The following ROBO2 variants were observed in gnomAD, a reference collection of about 807,000 sequenced individuals.
ROBO2 encodes the protein roundabout guidance receptor 2.
In ROBO2, 53 loss-of-function variants were observed where a neutral mutation model predicts 160.8. The observed-to-expected ratio is 0.33, with a 90% confidence interval of 0.26 to 0.41. ROBO2 has a LOEUF of 0.41. Among genes scored for constraint, ROBO2 ranks in the 10% least tolerant of loss-of-function variants. The pLI is 1.00. For missense variants in ROBO2, 1,577 were observed against 1,722.4 expected (o/e 0.92, Z 1.49); for synonymous variants, 664 against 611.7 (o/e 1.09, Z -1.26).
intron 2 of ROBO2, among the ~76,000 whole-genome samples, chr3:77,016,021 G>A (rs533045561): frequency 6.6e-6 from 1 of 151,710 alleles, no homozygotes; most frequent in South Asian, 2.1e-4. Context: ...CTGTCGCCCA[G>A]GCTGGAGTGC....
At chr3:76,880,842 G>A (rs1185987364) in intron 2 of ROBO2, among the ~76,000 whole-genome samples, 2 of 152,174 alleles carry the variant, frequency 1.3e-5, no homozygotes, top group East Asian at 1.9e-4. Flanking sequence ...ATTCTTAGAA[G>A]TTTGGACTTT....
chr3:77,615,357 G>C (rs996405988), intron 21 of ROBO2, among the ~76,000 whole-genome samples: 1 of 152,038 alleles, frequency 6.6e-6, no homozygotes, highest in African/African-American at 2.4e-5. Context: ...TCATCACCTA[G>C]AGTCCATAGT....
chr3:76,953,896 G>A (rs530215825), intron 2 of ROBO2, among the ~76,000 whole-genome samples: 1 of 152,284 alleles, frequency 6.6e-6, no homozygotes, highest in East Asian at 1.9e-4. Context: ...GGCATCCTCT[G>A]TTCCACCAGA....
chr3:77,101,430 A>T (rs59153694), intron 2 of ROBO2, among the ~76,000 whole-genome samples: 1 of 152,056 alleles, frequency 6.6e-6, no homozygotes, highest in South Asian at 2.1e-4. Context: ...TGTTTGACAT[A>T]CCAATGAAAT....
chr3:76,418,200 T>TA (rs2075832178), intron 2 of ROBO2, among the ~76,000 whole-genome samples: 2 of 151,232 alleles, frequency 1.3e-5, no homozygotes, highest in Admixed American at 1.3e-4. Flanking sequence ...ATATACCAAA[T>TA]AAGGTCACTA....
chr3:77,254,150 GT>G (rs2090677165), intron 2 of ROBO2, among the ~76,000 whole-genome samples: 1 of 152,148 alleles, frequency 6.6e-6, no homozygotes, highest in Non-Finnish European at 1.5e-5. Context: ...TGCACCTGTG[GT>G]CTTAGCTACT....
chr3:77,329,827 G>C (rs1403488394), intron 2 of ROBO2, among the ~76,000 whole-genome samples: 1 of 152,070 alleles, frequency 6.6e-6, no homozygotes, highest in African/African-American at 2.4e-5. Flanking sequence ...TGTTATGTGA[G>C]GGCGGCACAA....
chr3:77,461,581 A>G (rs1305182377), intron 2 of ROBO2, among the ~76,000 whole-genome samples: 1 of 152,040 alleles, frequency 6.6e-6, no homozygotes, highest in Non-Finnish European at 1.5e-5. Context: ...TATTCAATCC[A>G]TATGAAATAT....
chr3:76,945,230 A>G (rs901823894), intron 2 of ROBO2, among the ~76,000 whole-genome samples: 1 of 152,186 alleles, frequency 6.6e-6, no homozygotes, highest in Admixed American at 6.5e-5. Context: ...CTAGGTCCTA[A>G]GAAATCAGAA....
intron 2 of ROBO2, among the ~76,000 whole-genome samples, chr3:76,044,807 G>A (rs1463490575): frequency 1.3e-5 from 2 of 152,040 alleles, no homozygotes; most frequent in African/African-American, 2.4e-5. Flanking sequence ...AGAGGGACTT[G>A]CGTTAGGTAA....
chr3:77,388,109 C>A (rs1268298659), intron 2 of ROBO2, among the ~76,000 whole-genome samples: 1 of 151,438 alleles, frequency 6.6e-6, no homozygotes, highest in Non-Finnish European at 1.5e-5. Flanking sequence ...TATCTATAAG[C>A]AATCCAAACT....
intron 2 of ROBO2, among the ~76,000 whole-genome samples, chr3:75,957,602 G>A (rs1275761753): frequency 2.0e-5 from 3 of 150,528 alleles, no homozygotes; most frequent in African/African-American, 7.3e-5. Context: ...TGCTTAAAAA[G>A]TCATCTGACT....
At chr3:76,573,033 T>G (rs1355379453) in intron 2 of ROBO2, among the ~76,000 whole-genome samples, 1 of 152,106 alleles carries the variant, frequency 6.6e-6, no homozygotes, top group Non-Finnish European at 1.5e-5. Flanking sequence ...AAAATGTTGG[T>G]TTTTGTTGGG....
At chr3:75,912,867 T>G (rs1946658880) in intron 1 of ROBO2, among the ~76,000 whole-genome samples, 1 of 152,214 alleles carries the variant, frequency 6.6e-6, no homozygotes, top group Non-Finnish European at 1.5e-5. Context: ...CTGGAATCCC[T>G]TAAGTTTGTC....
At chr3:76,723,051 T>G (rs933790959) in intron 2 of ROBO2, among the ~76,000 whole-genome samples, 2 of 152,174 alleles carry the variant, frequency 1.3e-5, no homozygotes, top group African/African-American at 4.8e-5. Context: ...CATACTAAAA[T>G]TAGAATATGA....
chr3:77,410,743 T>TCCTCCTC (rs2076724877), intron 2 of ROBO2, among the ~76,000 whole-genome samples: 1 of 29,590 alleles, frequency 3.4e-5, no homozygotes. Context: ...TCCTCCTCCT[T>TCCTCCTC]TTCCTCCTCC....
chr3:75,982,057 C>T (rs1274234740), intron 2 of ROBO2, among the ~76,000 whole-genome samples: 1 of 151,522 alleles, frequency 6.6e-6, no homozygotes, highest in East Asian at 1.9e-4. Flanking sequence ...TTTCAAGTAA[C>T]TTAATGATCT....
At chr3:76,199,941 T>C (rs35674197) in intron 2 of ROBO2, among the ~76,000 whole-genome samples, 16,697 of 152,246 alleles carry the variant, frequency 0.11, 1,187 homozygotes, top group African/African-American at 0.2. Context: ...TGTCTCTGTA[T>C]AGCAAACTCT....
At chr3:77,141,446 A>G (rs1442443930) in intron 2 of ROBO2, among the ~76,000 whole-genome samples, 4 of 152,206 alleles carry the variant, frequency 2.6e-5, no homozygotes, top group Non-Finnish European at 5.9e-5. Flanking sequence ...TGTTGCCTAC[A>G]TTCCAGTTGT....
Sources: gnomAD v4.1 joint callset for allele counts (sites outside exome capture counted in the v4.1 genomes callset) on GRCh38, gnomAD v4.1.1 for gene constraint, MANE v1.5 for transcripts, NCBI Gene and HGNC (gene_info 2026-07-23, HGNC 2026-07-21) for gene names.